ECPAS: variants seen among roughly 807,000 people sequenced by gnomAD.
ECPAS encodes the protein proteasome adapter and scaffold protein ECM29.
ECPAS carries 70 observed loss-of-function variants against 255.1 expected under a neutral mutation model. The ratio of observed to expected loss-of-function variants is 0.27; its 90% CI spans 0.23 to 0.33. The LOEUF is 0.33. Ranked by LOEUF, ECPAS falls within the 10% of genes least tolerant of loss-of-function variation. The pLI, the probability that ECPAS is intolerant of heterozygous loss-of-function variation, is 1.00. For missense variants in ECPAS, 1,817 were observed against 2,206.4 expected, an observed-to-expected ratio of 0.82 and a Z score of 3.54; for synonymous variants, 784 against 775.0, an observed-to-expected ratio of 1.01 and a Z score of -0.19.
intron 1 of ECPAS, among the ~76,000 whole-genome samples, chr9:111,475,778 C>T (rs1589242957): frequency 6.7e-6 from 1 of 150,168 alleles, no homozygotes; most frequent in African/African-American, 2.4e-5. Flanking sequence ...GTAAAAAAAT[C>T]AGAATGGAAA....
chr9:111,419,007 T>C (rs192417492), intron 16 of ECPAS, among the ~76,000 whole-genome samples: 99 of 152,304 alleles, frequency 6.5e-4, no homozygotes, highest in African/African-American at 2.3e-3. Context: ...ACTTGTGATG[T>C]CCAATTAAAA....
chr9:111,379,883 TTACGATTTCCACCACA>T (rs1394524315), intron 35 of ECPAS, among the ~76,000 whole-genome samples: 2 of 152,216 alleles, frequency 1.3e-5, no homozygotes, highest in Non-Finnish European at 2.9e-5. Flanking sequence ...CAGGCCCCAC[TTACGATTTCCACCACA>T]TATGCAGTGA....
intron 1 of ECPAS, among the ~76,000 whole-genome samples, chr9:111,480,731 G>A (rs532363036): frequency 2.0e-5 from 3 of 152,310 alleles, no homozygotes; most frequent in South Asian, 2.1e-4. Context: ...CAACTGCAAC[G>A]TATTCAGTCT....
At chr9:111,415,265 A>G (rs921240523) in intron 18 of ECPAS, among the ~76,000 whole-genome samples, 30 of 142,030 alleles carry the variant, frequency 2.1e-4, no homozygotes, top group African/African-American at 7.1e-4. Flanking sequence ...GAGAGAGAGA[A>G]AGACAGAGAG....
intron 24 of ECPAS, among the ~76,000 whole-genome samples, chr9:111,404,729 T>C (rs1269201521): frequency 1.4e-5 from 2 of 139,424 alleles, no homozygotes; most frequent in Non-Finnish European, 3.0e-5. Flanking sequence ...TACCCACTTA[T>C]AGCAGTGCGA....
intron 2 of ECPAS, among the ~76,000 whole-genome samples, chr9:111,470,413 T>C (rs2098285805): frequency 6.6e-6 from 1 of 151,816 alleles, no homozygotes; most frequent in African/African-American, 2.4e-5. Flanking sequence ...CGGGTTCAAG[T>C]GACTCTCCTG....
chr9:111,361,855 T>C lies in ECPAS; in HGVS notation c.*175A>G, dbSNP rs973549938. On this transcript the variant is annotated 3_prime_UTR_variant, in exon 50 of 50. Coordinates refer to ENST00000684092, the MANE Select transcript of ECPAS (RefSeq NM_001364929.1). ...ACTCAGCCCAGATACTTTAAAAACA[T>C]AAAGTAAAATAAAGCTAATAAGGAA... is the stretch of plus-strand genomic sequence containing the variant. 156 of 688,314 alleles carry C rather than the reference T, an allele frequency of 2.3e-4. 1 individual carries two copies. Among genetic ancestry groups the C allele is most frequent in the Non-Finnish European group, 3.2e-4 (142 of 442,966 alleles). The allele number at this position is 688,314 out of a possible 1,614,324, so 42.6% of individuals were successfully genotyped here.
chr9:111,389,915 CTGTCTGCCAA>C, intron 30 of ECPAS, 59 bp downstream of exon 30: 5 of 1,226,790 alleles, frequency 4.1e-6, no homozygotes, highest in Non-Finnish European at 5.8e-6. Flanking sequence ...CCATTTGCCA[CTGTCTGCCAA>C]TGTAGCATGT....
chr9:111,376,200 C>G (rs752062322), intron 37 of ECPAS, among the ~76,000 whole-genome samples: 6 of 152,162 alleles, frequency 3.9e-5, no homozygotes, highest in African/African-American at 7.2e-5. Context: ...ATAGGCAGAT[C>G]AAAAGACTAC....
At chr9:111,484,050 C>A in intron 1 of ECPAS, 66 bp downstream of exon 1, 1 of 1,097,694 alleles carries the variant, frequency 9.1e-7, no homozygotes, top group East Asian at 5.6e-5. Flanking sequence ...GTGCGGGCGG[C>A]CCGGCCTAAC....
chr9:111,387,356 G>A (rs112292861), intron 31 of ECPAS, among the ~76,000 whole-genome samples: 29 of 136,400 alleles, frequency 2.1e-4, no homozygotes, highest in Middle Eastern at 5.1e-3. Flanking sequence ...CTCACTCATC[G>A]TCAGTGCAGT....
intron 8 of ECPAS, among the ~76,000 whole-genome samples, chr9:111,432,258 T>A (rs890688266): frequency 2.0e-5 from 3 of 152,220 alleles, no homozygotes; most frequent in Non-Finnish European, 4.4e-5. Context: ...GATTCATTAC[T>A]TATTGCAAAC....
intron 37 of ECPAS, among the ~76,000 whole-genome samples, chr9:111,375,620 G>T (rs2098132534): frequency 6.6e-6 from 1 of 151,804 alleles, no homozygotes; most frequent in Non-Finnish European, 1.5e-5. Flanking sequence ...ATAAATTGCT[G>T]GCCTTTATTT....
At chr9:111,420,803 C>T (rs1043385460) in intron 15 of ECPAS, among the ~76,000 whole-genome samples, 1 of 152,048 alleles carries the variant, frequency 6.6e-6, no homozygotes, top group Non-Finnish European at 1.5e-5. Context: ...ATATATTGTC[C>T]CACTCATTCT....
chr9:111,367,194 G>A (rs73656234), intron 46 of ECPAS, among the ~76,000 whole-genome samples: 4 of 152,154 alleles, frequency 2.6e-5, no homozygotes, highest in Admixed American at 6.5e-5. Context: ...ACTCAACAAC[G>A]AAGTTATTTT....
chr9:111,405,330 A>G (rs1257748542), intron 24 of ECPAS, among the ~76,000 whole-genome samples: 2 of 149,858 alleles, frequency 1.3e-5, no homozygotes, highest in Admixed American at 1.3e-4. Context: ...AGTCTCTTCA[A>G]TAAGTTGTGC....
At chr9:111,370,886 G>A in intron 43 of ECPAS, 121 bp from the exon 44 acceptor site, 1 of 886,402 alleles carries the variant, frequency 1.1e-6, no homozygotes. Context: ...ATTAACAACA[G>A]TCACCTTATC....
chr9:111,371,901 A>G, intron 42 of ECPAS, 72 bp from the exon 43 acceptor site: 1 of 1,251,426 alleles, frequency 8.0e-7, no homozygotes, highest in East Asian at 2.3e-5. Context: ...CCTGAAAAAA[A>G]GTCAGTGACC....
In ECPAS at chr9:111,385,394, G is replaced by T; in HGVS notation, c.3576C>A (p.Ile1192=). 1 of 1,582,914 alleles carries T rather than the reference G, an allele frequency of 6.3e-7. No homozygotes were observed. The highest frequency in any genetic ancestry group is 8.6e-7 in the Non-Finnish European group (1 of 1,162,018). ...DLLRGRPLDD[I]IDKLPEIWET... Reference sequence around the variant, plus strand: ...CCCAAATTTCTGGAAGTTTATCAATGATGTCATCTAAGGGTCTTCCTCTCA... The same window carrying T: ...CCCAAATTTCTGGAAGTTTATCAATTATGTCATCTAAGGGTCTTCCTCTCA... Residue 1192 remains isoleucine (I), a synonymous_variant, in exon 33 of 50, where the codon ATC becomes ATA. Transcript: ENST00000684092.
Sources: gnomAD v4.1 joint callset for allele counts (sites outside exome capture counted in the v4.1 genomes callset) on GRCh38, gnomAD v4.1.1 for gene constraint, MANE v1.5 for transcripts, NCBI Gene and HGNC (gene_info 2026-07-23, HGNC 2026-07-21) for gene names.